The following ZNF215 variants were observed in gnomAD, a reference collection of about 807,000 sequenced individuals.
ZNF215 encodes zinc finger protein 215, also known as BWSCR2-associated zinc finger protein 2.
Under a neutral mutation model 27.2 loss-of-function variants are expected in ZNF215, and 24 were observed. That is an observed-to-expected ratio of 0.88 (90% CI 0.64 to 1.24). The LOEUF (loss-of-function observed/expected upper bound fraction) is 1.24, where lower values mean the gene tolerates loss of function less well. Ranked by LOEUF, ZNF215 falls within the 50% of genes most tolerant of loss-of-function variation. The pLI is 0.00. For synonymous variants in ZNF215, 210 were observed against 204.0 expected (o/e 1.03, Z -0.25); for missense variants, 675 against 605.7 (o/e 1.11, Z -1.20).
At chr11:6,933,660 G>A (rs1849341811) in intron 3 of ZNF215, among the ~76,000 whole-genome samples, 1 of 151,910 alleles carries the variant, frequency 6.6e-6, no homozygotes, top group Non-Finnish European at 1.5e-5. Context: ...GCATGGTGGT[G>A]GGCGGGCACC....
downstream of ZNF215, among the ~76,000 whole-genome samples, chr11:6,962,330 A>T (rs955150985): frequency 2.0e-5 from 3 of 152,186 alleles, no homozygotes; most frequent in African/African-American, 7.2e-5. Context: ...CATTGGCTAT[A>T]GCCATGGAGT....
chr11:6,941,815 A>G (rs1849639781), intron 4 of ZNF215, among the ~76,000 whole-genome samples, 162 bp downstream of exon 4: 2 of 152,300 alleles, frequency 1.3e-5, no homozygotes, highest in Non-Finnish European at 2.9e-5. Flanking sequence ...TTGGTGATAC[A>G]CTGTTAGCCA....
chr11:6,946,891 G>A (rs937176585), intron 6 of ZNF215, among the ~76,000 whole-genome samples: 28 of 152,128 alleles, frequency 1.8e-4, no homozygotes, highest in African/African-American at 6.8e-4. Flanking sequence ...GATAAGAAAG[G>A]TAAAAATTAT....
intron 4 of ZNF215, 113 bp from the exon 5 acceptor site, chr11:6,942,970 C>T (rs1849680410): frequency 4.9e-6 from 7 of 1,438,392 alleles, no homozygotes; most frequent in Non-Finnish European, 6.6e-6. Flanking sequence ...CAGACATTGT[C>T]CTATCAATTT....
chr11:6,928,957 C>T (rs527978047), intron 2 of ZNF215, among the ~76,000 whole-genome samples: 1 of 151,950 alleles, frequency 6.6e-6, no homozygotes, highest in African/African-American at 2.4e-5. Context: ...TTGGCAGCTG[C>T]GAATGAGGAG....
At chr11:6,971,467 T>G (rs1850716608) in intron 5 of ZNF215, among the ~76,000 whole-genome samples, 1 of 152,200 alleles carries the variant, frequency 6.6e-6, no homozygotes, top group African/African-American at 2.4e-5. Flanking sequence ...AATAAATTTT[T>G]CTGTACTATT....
At chr11:6,967,748 T>C (rs1850651480) in intron 5 of ZNF215, among the ~76,000 whole-genome samples, 1 of 152,234 alleles carries the variant, frequency 6.6e-6, no homozygotes, top group African/African-American at 2.4e-5. Context: ...GCCTGTTCAC[T>C]CTGATGATAG....
At chr11:6,981,186 C>G (rs1252885275) in intron 5 of ZNF215, among the ~76,000 whole-genome samples, 2 of 150,488 alleles carry the variant, frequency 1.3e-5, no homozygotes, top group Non-Finnish European at 3.0e-5. Context: ...AATCACCACA[C>G]TGACTTCCAC....
At position 6,956,067 on chromosome 11, in the gene ZNF215, A is replaced by G. The variant is rs1289799846; in HGVS notation, c.1090A>G (p.Ser364Gly). ...TGAATATGGGAATGACTTGAGTTTG[A>G]GTACAGATATTCGACACCAAAAAAG... Reference protein sequence around the residue: ...EYEYGNDLSLSTDIRHQKSHT... With the variant: ...EYEYGNDLSLGTDIRHQKSHT... Residue 364 changes from serine to glycine, a missense_variant, in exon 7 of 7, where the codon AGT (serine) becomes GGT (glycine). Ser to Gly is a moderately conservative substitution (Grantham distance 56, BLOSUM62 0). Transcript: ENST00000278319. The G allele has an allele frequency of 6.2e-7, 1 of 1,611,174 alleles. No homozygotes were observed. The highest frequency in any genetic ancestry group is 1.7e-5 in the Admixed American group (1 of 59,666).
At chr11:6,941,731 A>G (rs1849637807) in intron 4 of ZNF215, 78 bp downstream of exon 4, 1 of 1,459,442 alleles carries the variant, frequency 6.9e-7, no homozygotes, top group Non-Finnish European at 9.5e-7. Context: ...TTGATCTTTG[A>G]ACTTGTGCCA....
intron 3 of ZNF215, among the ~76,000 whole-genome samples, chr11:6,935,794 C>T (rs1564946483): frequency 6.6e-6 from 1 of 151,948 alleles, no homozygotes; most frequent in African/African-American, 2.4e-5. Flanking sequence ...CAGGATAGAC[C>T]AAATGTTAGA....
At chr11:6,950,210 A>T (rs1049043135) in intron 6 of ZNF215, among the ~76,000 whole-genome samples, 2 of 136,552 alleles carry the variant, frequency 1.5e-5, no homozygotes, top group African/African-American at 5.4e-5. Context: ...TGACTTGGCG[A>T]TGGGGCTCTT....
intron 5 of ZNF215, among the ~76,000 whole-genome samples, chr11:6,983,041 A>C (rs1209204690): frequency 2.7e-5 from 4 of 150,472 alleles, no homozygotes; most frequent in Non-Finnish European, 1.5e-5. Flanking sequence ...AGAGAGAAGA[A>C]TCAAATAGAT....
chr11:6,960,441 C>G (rs2857898), downstream of ZNF215, among the ~76,000 whole-genome samples: 150,227 of 152,250 alleles, frequency 0.99, 74,138 homozygotes, highest in Middle Eastern at 1. Flanking sequence ...GAAAGGAGCT[C>G]CATAACTCAG....
chr11:6,941,366 A>G (rs1210956581), intron 3 of ZNF215, among the ~76,000 whole-genome samples: 1 of 152,236 alleles, frequency 6.6e-6, no homozygotes, highest in African/African-American at 2.4e-5. Context: ...CCATGGTAGC[A>G]TATCAGAATC....
intron 6 of ZNF215, among the ~76,000 whole-genome samples, chr11:6,948,383 C>A (rs1224278064): frequency 6.6e-6 from 1 of 152,160 alleles, no homozygotes; most frequent in African/African-American, 2.4e-5. Flanking sequence ...ACCCAGTGTA[C>A]ACTGGTGAGG....
At chr11:6,979,678 C>G (rs1850907897) in intron 5 of ZNF215, among the ~76,000 whole-genome samples, 1 of 151,980 alleles carries the variant, frequency 6.6e-6, no homozygotes, top group African/African-American at 2.4e-5. Context: ...CGAATTGATT[C>G]TTCATCTCCT....
chr11:6,951,873 TGC>T (rs1437141609), intron 6 of ZNF215, among the ~76,000 whole-genome samples: 1 of 152,198 alleles, frequency 6.6e-6, no homozygotes, highest in African/African-American at 2.4e-5. Context: ...GGGCATTTAG[TGC>T]TATAAATTTC....
intron 5 of ZNF215, among the ~76,000 whole-genome samples, chr11:6,983,089 C>G (rs1304941847): frequency 6.6e-6 from 1 of 152,032 alleles, no homozygotes; most frequent in East Asian, 1.9e-4. Flanking sequence ...ACCACCGATT[C>G]CACAGAAATA....
Sources: gnomAD v4.1 joint callset for allele counts (sites outside exome capture counted in the v4.1 genomes callset) on GRCh38, gnomAD v4.1.1 for gene constraint, MANE v1.5 for transcripts, NCBI Gene and HGNC (gene_info 2026-07-23, HGNC 2026-07-21) for gene names.